The following YY1 variants were observed in gnomAD, a reference collection of about 807,000 sequenced individuals.
YY1 encodes the protein YY1 transcription factor, also known as transcriptional repressor protein YY1.
A neutral mutation model predicts 35.6 loss-of-function variants in YY1; 2 were observed. That is an observed-to-expected ratio of 0.06 (90% CI 0.02 to 0.18). The LOEUF (loss-of-function observed/expected upper bound fraction) is 0.18, where lower values mean the gene tolerates loss of function less well. Ranked by LOEUF, YY1 falls within the 10% of genes least tolerant of loss-of-function variation. YY1 has a pLI of 1.00. For synonymous variants in YY1, 268 were observed against 238.9 expected (o/e 1.12, Z -1.12); for missense variants, 322 against 573.4 (o/e 0.56, Z 4.48).
At chr14:100,254,940 ATTTTTTTTTTTTTTT>A (rs35165026) in intron 1 of YY1, among the ~76,000 whole-genome samples, 8 of 29,586 alleles carry the variant, frequency 2.7e-4, no homozygotes, top group Admixed American at 2.0e-3. Flanking sequence ...CGCCCAGCTA[ATTTTTTTTTTTTTTT>A]TTTTTTTTTT....
intron 1 of YY1, among the ~76,000 whole-genome samples, chr14:100,252,655 A>G (rs2139578044): frequency 6.6e-6 from 1 of 152,308 alleles, no homozygotes; most frequent in Admixed American, 6.5e-5. Flanking sequence ...CTTTTTCCAA[A>G]TAGGAATTCT....
chr14:100,281,432 G>C lies in YY1; in HGVS notation c.*3832G>C, dbSNP rs1377746203. ...ACAGGGTTGCCTTGGACCCTCGGCT[G>C]TAGGGGGCACCTGTCTGGCTCCGGG... On this transcript the variant is annotated 3_prime_UTR_variant, in exon 5 of 5. Transcript: ENST00000262238. The C allele has an allele frequency of 2.0e-5, 3 of 152,142 alleles. No individual in the cohort carries two copies. Among genetic ancestry groups the C allele is most frequent in the African/African-American group, 7.2e-5 (3 of 41,406 alleles). 9.4% of individuals were successfully genotyped at this position (152,142 alleles called of 1,614,324 possible).
intron 1 of YY1, among the ~76,000 whole-genome samples, chr14:100,240,279 C>T (rs967684839): frequency 6.8e-6 from 1 of 146,142 alleles, no homozygotes; most frequent in South Asian, 2.1e-4. Flanking sequence ...CCCGCCGGCC[C>T]GTTGTGGCGG....
Position 100,239,280 on chromosome 14 carries a change from C to A in YY1, c.36C>A (p.Asp12Glu). 1 of 1,590,494 alleles carries A rather than the reference C, an allele frequency of 6.3e-7. No homozygotes were observed. Among genetic ancestry groups the A allele is most frequent in the South Asian group, 1.1e-5 (1 of 88,120 alleles). The part of the protein sequence containing the change: ...ASGDTLYIAT[D>E]GSEMPAEIVE... ...GCGACACCCTCTACATCGCCACGGA[C>A]GGCTCGGAGATGCCGGCCGAGATCG... The change falls in exon 1 of 5, where the codon GAC (aspartate) becomes GAA (glutamate). Residue 12 changes from aspartate (D) to glutamate (E), a missense_variant. Coordinates refer to ENST00000262238, the MANE Select transcript of YY1 (RefSeq NM_003403.5).
At chr14:100,240,202 C>G (rs917454099) in intron 1 of YY1, among the ~76,000 whole-genome samples, 5 of 143,264 alleles carry the variant, frequency 3.5e-5, no homozygotes, top group Non-Finnish European at 7.7e-5. Context: ...GCGGAGACGG[C>G]CGGGGGAGGG....
chr14:100,245,970 G>C (rs975923515), intron 1 of YY1, among the ~76,000 whole-genome samples: 1 of 152,152 alleles, frequency 6.6e-6, no homozygotes, highest in Non-Finnish European at 1.5e-5. Flanking sequence ...GCATTTAATA[G>C]GGAAGATAAT....
intron 1 of YY1, among the ~76,000 whole-genome samples, chr14:100,240,157 C>T (rs1890708116): frequency 1.4e-5 from 2 of 144,586 alleles, no homozygotes; most frequent in African/African-American, 5.0e-5. Flanking sequence ...GCCGCAATGG[C>T]GTAGTTTCTC....
intron 2 of YY1, among the ~76,000 whole-genome samples, chr14:100,266,326 C>T (rs1891154676): frequency 2.6e-5 from 4 of 151,950 alleles, no homozygotes; most frequent in Middle Eastern, 3.4e-3. Context: ...TCAGGAGGTA[C>T]GAGAGAGAGG....
At chr14:100,272,088 A>G (rs1010922630) in intron 2 of YY1, among the ~76,000 whole-genome samples, 8 of 152,068 alleles carry the variant, frequency 5.3e-5, no homozygotes, top group Non-Finnish European at 8.8e-5. Flanking sequence ...CGAGGTCAGG[A>G]GATCAAGACC....
chr14:100,251,787 C>G (rs985754478), intron 1 of YY1, among the ~76,000 whole-genome samples: 4 of 152,092 alleles, frequency 2.6e-5, no homozygotes, highest in Non-Finnish European at 5.9e-5. Context: ...CTTTGCTTCT[C>G]TTTCTTCTCT....
intron 1 of YY1, among the ~76,000 whole-genome samples, chr14:100,244,298 T>C (rs1398168089): frequency 6.7e-6 from 1 of 149,244 alleles, no homozygotes; most frequent in Non-Finnish European, 1.5e-5. Context: ...CCTTAGAGAT[T>C]GGCTTTTTTT....
In YY1 at chr14:100,280,050, C is replaced by T. The variant is rs924037022; in HGVS notation, c.*2450C>T. 5.3e-5 allele frequency: 8 copies of T among 152,250 alleles called. No homozygotes were observed. The highest frequency in any genetic ancestry group is 1.9e-4 in the African/African-American group (8 of 41,464). 9.4% of individuals were successfully genotyped at this position (152,250 alleles called of 1,614,324 possible). ...TCTTCTCAGTCTGCAGAGTTAACTT[C>T]TGTAAGGAGTTTAATCTGGGGTTCC... is the stretch of plus-strand genomic sequence containing the variant. On this transcript the variant is annotated 3_prime_UTR_variant, in exon 5 of 5. Transcript: ENST00000262238.
chr14:100,269,417 T>C (rs1891201886), intron 2 of YY1, among the ~76,000 whole-genome samples: 1 of 152,188 alleles, frequency 6.6e-6, no homozygotes, highest in Admixed American at 6.5e-5. Context: ...TCATTCATAA[T>C]GTCTATGCTG....
chr14:100,265,724 A>G (rs1891144487), intron 2 of YY1, among the ~76,000 whole-genome samples: 5 of 136,758 alleles, frequency 3.7e-5, no homozygotes, highest in African/African-American at 1.1e-4. Context: ...ACCTCGGCTC[A>G]CTGCAGCCTC....
intron 1 of YY1, among the ~76,000 whole-genome samples, chr14:100,240,630 C>G (rs1185184186): frequency 6.6e-6 from 1 of 152,200 alleles, no homozygotes; most frequent in Non-Finnish European, 1.5e-5. Context: ...CGGGGCGGGA[C>G]TTGGGGCTGC....
chr14:100,271,519 T>C (rs541050543), intron 2 of YY1, among the ~76,000 whole-genome samples: 5 of 152,334 alleles, frequency 3.3e-5, no homozygotes, highest in Admixed American at 2.6e-4. Context: ...GCATCCTTTA[T>C]TCAAAATGCT....
intron 2 of YY1, among the ~76,000 whole-genome samples, chr14:100,269,433 A>G (rs918976484): frequency 2.0e-5 from 3 of 152,142 alleles, no homozygotes; most frequent in African/African-American, 4.8e-5. Context: ...TGCTGTTGTC[A>G]TCATTGTCTC....
intron 1 of YY1, among the ~76,000 whole-genome samples, chr14:100,255,592 C>T (rs559112624): frequency 6.6e-6 from 1 of 152,140 alleles, no homozygotes; most frequent in South Asian, 2.1e-4. Context: ...GCACTCCAAC[C>T]TGGGGGGGAC....
At chr14:100,267,765 A>T (rs986715382) in intron 2 of YY1, among the ~76,000 whole-genome samples, 1 of 152,006 alleles carries the variant, frequency 6.6e-6, no homozygotes, top group Admixed American at 6.6e-5. Flanking sequence ...CTCGTGATCC[A>T]CCCACCTCGG....
Sources: allele counts gnomAD v4.1 joint callset (sites outside exome capture counted in the v4.1 genomes callset), GRCh38; gene constraint gnomAD v4.1.1; transcripts MANE v1.5; gene names NCBI Gene and HGNC (gene_info 2026-07-23, HGNC 2026-07-21).